DAB2: variants seen among roughly 807,000 people sequenced by gnomAD.
DAB2 encodes disabled homolog 2.
A neutral mutation model predicts 71.6 loss-of-function variants in DAB2; 28 were observed. That is an observed-to-expected ratio of 0.39 (90% CI 0.29 to 0.54). DAB2 has a LOEUF of 0.54. Ranked by LOEUF, DAB2 falls within the 20% of genes least tolerant of loss-of-function variation. The pLI is 0.68. For synonymous variants in DAB2, 345 were observed against 339.7 expected (o/e 1.02, Z -0.17); for missense variants, 867 against 928.8 (o/e 0.93, Z 0.86).
chr5:39,417,071 C>A (rs1755864861), intron 1 of DAB2: 1 of 152,020 alleles, frequency 6.6e-6, no homozygotes, highest in African/African-American at 2.4e-5. Flanking sequence ...GCAAACACCG[C>A]ATATTCTCAT....
chr5:39,414,709 A>C (rs1290675729), intron 1 of DAB2, among the ~76,000 whole-genome samples: 2 of 142,006 alleles, frequency 1.4e-5, no homozygotes, highest in African/African-American at 5.4e-5. Context: ...CTTAAAGTTA[A>C]AAAAAGGGGG....
chr5:39,394,191 C>T, intron 2 of DAB2, 39 bp downstream of exon 2: 1 of 1,527,514 alleles, frequency 6.5e-7, no homozygotes, highest in Non-Finnish European at 9.1e-7. Flanking sequence ...GTAACCATCT[C>T]TAGCTCCCTT....
chr5:39,420,764 T>C (rs1168131249), intron 1 of DAB2, among the ~76,000 whole-genome samples: 1 of 152,182 alleles, frequency 6.6e-6, no homozygotes, highest in Non-Finnish European at 1.5e-5. Context: ...GAGGAGATTC[T>C]ACTTCACTTA....
At position 39,422,554 on chromosome 5, in the gene DAB2, G is replaced by C. The variant is rs1756014999; in HGVS notation, c.-102+2250C>G. 6.6e-6 allele frequency among the ~76,000 whole-genome samples: 1 copy of C among 152,224 alleles called. No homozygotes were observed. Among genetic ancestry groups the C allele is most frequent in the Admixed American group, 6.5e-5 (1 of 15,284 alleles). On this transcript the variant is annotated intron_variant, in intron 1 of 14. Coordinates refer to ENST00000320816, the MANE Select transcript of DAB2 (RefSeq NM_001343.4). The surrounding 1 kb of genome is among the most constrained non-coding windows in gnomAD (Gnocchi z 4.1). Reference sequence around the variant, plus strand: ...CAAACTTAGGTTTATGGACATATGAGGGTAGAGTTAGAAATGAAGCAGCAT... The same window carrying C: ...CAAACTTAGGTTTATGGACATATGACGGTAGAGTTAGAAATGAAGCAGCAT...
intron 1 of DAB2, among the ~76,000 whole-genome samples, chr5:39,404,681 C>T (rs571187540): frequency 3.3e-5 from 5 of 152,080 alleles, no homozygotes; most frequent in East Asian, 1.9e-4. Context: ...CGGGTTCAAG[C>T]GATTCCCCTG....
chr5:39,382,725 C>T lies in DAB2; in HGVS notation c.1234G>A (p.Val412Ile), dbSNP rs147429919. 75 of 1,614,156 alleles carry T rather than the reference C, an allele frequency of 4.6e-5. No individual in the cohort carries two copies. In the African/African-American group the frequency reaches 4.9e-4, roughly 11 times the overall value. Reference protein sequence around the residue: ...PPKGLSIQNGVKQDLESSVQS... With the variant: ...PPKGLSIQNGIKQDLESSVQS... ...ACAGAGCTTTCCAAGTCCTGCTTTA[C>T]GCCATTCTGTATGGACAGTCCTTTG... The change falls in exon 10 of 15, where the codon GTA becomes ATA. Residue 412 changes from valine (V) to isoleucine (I), a missense_variant. This residue lies in a region of DAB2 where 740 missense variants were observed against 734.3 expected (regional missense o/e 1.01). Transcript: ENST00000320816.
intron 1 of DAB2, among the ~76,000 whole-genome samples, chr5:39,413,231 A>C (rs1201232634): frequency 6.6e-6 from 1 of 152,114 alleles, no homozygotes; most frequent in African/African-American, 2.4e-5. Context: ...ATATTTGGCT[A>C]ATCTTCTGGA....
chr5:39,423,370 T>C (rs184674659), intron 1 of DAB2, among the ~76,000 whole-genome samples: 9 of 1,332 alleles, frequency 6.8e-3, no homozygotes, highest in Admixed American at 4.0e-3. Context: ...CAATAAACTT[T>C]CTTACAGTGT....
chr5:39,414,065 G>C (rs746841038), intron 1 of DAB2, among the ~76,000 whole-genome samples: 1 of 152,098 alleles, frequency 6.6e-6, no homozygotes, highest in Non-Finnish European at 1.5e-5. Context: ...AAATTCAACA[G>C]TAAGTTTTCA....
chr5:39,376,996 A>G lies in DAB2; in HGVS notation c.1791T>C (p.Asn597=). ...TSPLGNPFQS[N]IFPAPAVSTQ... is the part of the protein sequence containing the mutation. ...TGGACACAGCAGGAGCTGGAAAAAT[A>G]TTGCTCTGAAAAGGATTCCCCAAAG... The change falls in exon 12 of 15, where the codon AAT becomes AAC. Residue 597 remains asparagine, a synonymous_variant. Transcript: ENST00000320816. 6.2e-7 allele frequency: 1 copy of G among 1,614,038 alleles called. No homozygotes were observed. The highest frequency in any genetic ancestry group is 8.5e-7 in the Non-Finnish European group (1 of 1,180,006).
At chr5:39,395,005 C>G (rs976882428) in intron 1 of DAB2, among the ~76,000 whole-genome samples, 1 of 152,142 alleles carries the variant, frequency 6.6e-6, no homozygotes, top group African/African-American at 2.4e-5. Context: ...TTATTTGTAT[C>G]AGGGAAATAA....
intron 14 of DAB2, chr5:39,374,776 T>C: frequency 4.7e-6 from 2 of 426,400 alleles, no homozygotes; most frequent in Non-Finnish European, 4.1e-6. Flanking sequence ...TGGAATAAGA[T>C]AAAAATCCAC....
chr5:39,400,956 G>A (rs548222045), intron 1 of DAB2, among the ~76,000 whole-genome samples: 116 of 152,272 alleles, frequency 7.6e-4, no homozygotes, highest in Middle Eastern at 3.4e-3. Context: ...GACAGACCTC[G>A]GGGTCCAAGA....
chr5:39,374,020 G>A (rs934311733), intron 14 of DAB2, among the ~76,000 whole-genome samples: 22 of 152,228 alleles, frequency 1.4e-4, no homozygotes, highest in African/African-American at 5.1e-4. Flanking sequence ...GGTACTACAG[G>A]AAACACAGTC....
chr5:39,386,668 C>T (rs555590598), intron 9 of DAB2, among the ~76,000 whole-genome samples: 1 of 152,192 alleles, frequency 6.6e-6, no homozygotes, highest in East Asian at 1.9e-4. Context: ...TTTCCATTTC[C>T]TTTTTTAGAA....
rs570376048 is a variant in DAB2 at position 39,391,820 on chromosome 5, G to T, written c.330+545C>A. On this transcript the variant is annotated intron_variant, in intron 4 of 14. Coordinates refer to ENST00000320816, the MANE Select transcript of DAB2 (RefSeq NM_001343.4). Reference sequence around the variant, plus strand: ...AAGGTTACATCTGTGAGGTGAGAAGGCAGGGAAAAAAGAAATGAAAAAGAG... The same window carrying T: ...AAGGTTACATCTGTGAGGTGAGAAGTCAGGGAAAAAAGAAATGAAAAAGAG... Among the ~76,000 whole-genome samples the T allele has an allele frequency of 2.0e-5, 3 of 151,974 alleles. No individual in the cohort carries two copies. In the South Asian group the frequency reaches 6.2e-4, roughly 32 times the overall value.
At chr5:39,391,061 G>A (rs1271064487) in intron 4 of DAB2, among the ~76,000 whole-genome samples, 1 of 152,130 alleles carries the variant, frequency 6.6e-6, no homozygotes, top group Non-Finnish European at 1.5e-5. Flanking sequence ...GTATATTCTG[G>A]AGGATACCAA....
chr5:39,388,940 G>T (rs1755159757), intron 7 of DAB2, 88 bp from the exon 8 acceptor site: 2 of 1,332,874 alleles, frequency 1.5e-6, no homozygotes, highest in Admixed American at 1.7e-5. Flanking sequence ...AAGCAGCAAT[G>T]GTTTTGGTAT....
Position 39,388,642 on chromosome 5 carries a change from T to C in DAB2, c.624+157A>G, listed in dbSNP as rs188324635. Among the ~76,000 whole-genome samples, 9 of 152,372 alleles carry C rather than the reference T, an allele frequency of 5.9e-5. No homozygotes were observed. In the East Asian group the frequency reaches 1.7e-3, roughly 29 times the overall value. On this transcript the variant is annotated intron_variant, in intron 8 of 14. Transcript: ENST00000320816. Reference sequence around the variant, plus strand: ...TAATCTTTTTTTGACTACTTTTGTATATTGACATAGATGTTACACTAATAT... The same window carrying C: ...TAATCTTTTTTTGACTACTTTTGTACATTGACATAGATGTTACACTAATAT...
Sources: gnomAD v4.1 joint callset for allele counts (sites outside exome capture counted in the v4.1 genomes callset) on GRCh38, gnomAD v4.1.1 for gene constraint, gnomAD v4.1.1 regional missense constraint, Gnocchi (gnomAD v3.1) non-coding constraint, MANE v1.5 for transcripts, NCBI Gene and HGNC (gene_info 2026-07-23, HGNC 2026-07-21) for gene names.